Variants in ARB2A observed in about 807,000 individuals in gnomAD.
ARB2A encodes cotranscriptional regulator ARB2A.
chr5:94,011,524 C>T, the ARB2A span, among the ~76,000 whole-genome samples: 2 of 151,894 alleles, frequency 1.3e-5, no homozygotes, highest in Non-Finnish European at 2.9e-5. Flanking sequence ...ATGTTAATAA[C>T]TAAATGAATG....
At chr5:93,834,889 T>C in the ARB2A span, among the ~76,000 whole-genome samples, 2 of 152,294 alleles carry the variant, frequency 1.3e-5, no homozygotes, top group East Asian at 3.9e-4. Context: ...GGCTTTCTAA[T>C]ACGCTTCAAT....
chr5:93,744,909 C>G, the ARB2A span, among the ~76,000 whole-genome samples: 1 of 152,086 alleles, frequency 6.6e-6, no homozygotes, highest in Non-Finnish European at 1.5e-5. Context: ...GGTTCCAGTC[C>G]CCAATGTATT....
the ARB2A span, among the ~76,000 whole-genome samples, chr5:93,808,350 T>C: frequency 1.3e-5 from 2 of 151,596 alleles, no homozygotes; most frequent in African/African-American, 4.8e-5. Flanking sequence ...TTGCTGACAT[T>C]TCAGAAGGTT....
chr5:94,067,299 T>G, the ARB2A span, among the ~76,000 whole-genome samples: 1 of 152,196 alleles, frequency 6.6e-6, no homozygotes, highest in Non-Finnish European at 1.5e-5. Context: ...GATGCCCACT[T>G]TCACTACTCC....
chr5:93,641,232 TTC>T, the ARB2A span, among the ~76,000 whole-genome samples: 22 of 151,686 alleles, frequency 1.5e-4, no homozygotes, highest in Non-Finnish European at 3.2e-4. Flanking sequence ...GCCATGAAAG[TTC>T]TTTTTTTTTC....
chr5:94,090,464 C>G, the ARB2A span, among the ~76,000 whole-genome samples: 1 of 152,200 alleles, frequency 6.6e-6, no homozygotes, highest in East Asian at 1.9e-4. Context: ...ATCATGTCAT[C>G]TGCAAACAGA....
chr5:94,106,870 G>GAAAGAAA, the ARB2A span, among the ~76,000 whole-genome samples: 1 of 57,384 alleles, frequency 1.7e-5, no homozygotes, highest in African/African-American at 6.1e-5. Flanking sequence ...AATCAATGCA[G>GAAAGAAA]AAAAAAAAAA....
chr5:93,852,020 A>C, the ARB2A span, among the ~76,000 whole-genome samples: 1 of 152,202 alleles, frequency 6.6e-6, no homozygotes, highest in African/African-American at 2.4e-5. Context: ...ATCCCTGAGG[A>C]ATCGCCACAC....
the ARB2A span, chr5:93,964,580 C>T: frequency 7.4e-7 from 1 of 1,349,204 alleles, no homozygotes; most frequent in East Asian, 2.4e-5. Context: ...TCAAAACTGA[C>T]ATAAATTTTG....
the ARB2A span, among the ~76,000 whole-genome samples, chr5:93,955,073 C>T: frequency 5.4e-4 from 82 of 152,306 alleles, no homozygotes; most frequent in African/African-American, 1.8e-3. Context: ...GTCTTTCTTA[C>T]CCTCTTCAGT....
chr5:93,991,841 A>G, the ARB2A span, among the ~76,000 whole-genome samples: 8 of 152,088 alleles, frequency 5.3e-5, no homozygotes, highest in African/African-American at 1.7e-4. Flanking sequence ...GGGAGAAAAG[A>G]TAAAATATTT....
the ARB2A span, among the ~76,000 whole-genome samples, chr5:93,831,784 A>G: frequency 2.9e-4 from 44 of 152,326 alleles, no homozygotes; most frequent in East Asian, 6.6e-3. Context: ...ATTACAGCTT[A>G]GTCTTTTCCT....
At chr5:93,732,361 G>A in the ARB2A span, among the ~76,000 whole-genome samples, 2 of 152,090 alleles carry the variant, frequency 1.3e-5, no homozygotes, top group African/African-American at 2.4e-5. Context: ...TTAAAATCAG[G>A]ATTTTGATAT....
the ARB2A span, among the ~76,000 whole-genome samples, chr5:94,028,482 C>T: frequency 1.3e-5 from 2 of 152,078 alleles, no homozygotes; most frequent in Non-Finnish European, 2.9e-5. Flanking sequence ...AAAAAGTATT[C>T]CAAAGTCTAG....
chr5:93,798,233 T>C, the ARB2A span, among the ~76,000 whole-genome samples: 3 of 152,104 alleles, frequency 2.0e-5, no homozygotes, highest in Non-Finnish European at 2.9e-5. Flanking sequence ...CTACTTTCTG[T>C]CACTAAGTTG....
chr5:94,050,952 T>C, the ARB2A span: 1 of 699,778 alleles, frequency 1.4e-6, no homozygotes, highest in Non-Finnish European at 2.2e-6. Flanking sequence ...TTTATCTTTT[T>C]CATTAGATTT....
chr5:93,830,545 G>A, the ARB2A span, among the ~76,000 whole-genome samples: 176 of 151,562 alleles, frequency 1.2e-3, 1 homozygote, highest in African/African-American at 3.5e-3. Context: ...CAAGGTTGAC[G>A]GGCCATTATA....
chr5:93,819,158 C>T, the ARB2A span, among the ~76,000 whole-genome samples: 1 of 137,112 alleles, frequency 7.3e-6, no homozygotes, highest in East Asian at 2.1e-4. Context: ...TGCACTCCAG[C>T]CTGGGCGACA....
the ARB2A span, among the ~76,000 whole-genome samples, chr5:93,950,893 T>A: frequency 6.8e-6 from 1 of 146,026 alleles, no homozygotes; most frequent in Admixed American, 6.9e-5. Flanking sequence ...GCAGCGAGAT[T>A]AAATCATTCC....
Sources: gnomAD v4.1 joint callset for allele counts (sites outside exome capture counted in the v4.1 genomes callset) on GRCh38, gnomAD v4.1.1 for gene constraint, MANE v1.5 for transcripts, NCBI Gene and HGNC (gene_info 2026-07-23, HGNC 2026-07-21) for gene names.